ASH1L: variants seen among roughly 807,000 people sequenced by gnomAD.
ASH1L encodes ASH1 like histone lysine methyltransferase, also known as histone-lysine N-methyltransferase ASH1L.
A neutral mutation model predicts 269.0 loss-of-function variants in ASH1L; 23 were observed. The observed-to-expected ratio is 0.09, with a 90% CI of 0.06 to 0.12. The LOEUF (loss-of-function observed/expected upper bound fraction) is 0.12, where lower values mean the gene tolerates loss of function less well. Ranked by LOEUF, ASH1L falls within the 10% of genes least tolerant of loss-of-function variation. The pLI is 1.00. For missense variants in ASH1L, 2,912 were observed against 3,567.8 expected, an observed-to-expected ratio of 0.82 and a Z score of 4.68; for synonymous variants, 1,187 against 1,253.5, an observed-to-expected ratio of 0.95 and a Z score of 1.12.
intron 1 of ASH1L, among the ~76,000 whole-genome samples, chr1:155,550,957 G>A (rs1671155227): frequency 6.6e-6 from 1 of 151,984 alleles, no homozygotes; most frequent in South Asian, 2.1e-4. Flanking sequence ...AAGTAGCTGG[G>A]ACTACAGGTA....
At chr1:155,421,291 A>T (rs1660653800) in intron 5 of ASH1L, among the ~76,000 whole-genome samples, 1 of 142,340 alleles carries the variant, frequency 7.0e-6, no homozygotes, top group Admixed American at 7.2e-5. Flanking sequence ...TGATCTATAG[A>T]TCTAACACAA....
intron 3 of ASH1L, among the ~76,000 whole-genome samples, chr1:155,460,215 T>C (rs535294373): frequency 6.6e-6 from 1 of 152,364 alleles, no homozygotes; most frequent in East Asian, 1.9e-4. Flanking sequence ...ATTTAAAATA[T>C]TGATACAAAT....
intron 2 of ASH1L, among the ~76,000 whole-genome samples, chr1:155,518,807 G>A (rs1668669062): frequency 6.7e-6 from 1 of 150,064 alleles, no homozygotes; most frequent in African/African-American, 2.5e-5. Flanking sequence ...GGGGAGACGG[G>A]GAGAGGAAGG....
intron 26 of ASH1L, among the ~76,000 whole-genome samples, chr1:155,338,691 C>T (rs1245603081): frequency 6.6e-6 from 1 of 152,188 alleles, no homozygotes; most frequent in Non-Finnish European, 1.5e-5. Flanking sequence ...ATGACTGCTT[C>T]ATGACTAGAG....
chr1:155,547,892 C>A (rs1403139209), intron 1 of ASH1L, among the ~76,000 whole-genome samples: 1 of 152,134 alleles, frequency 6.6e-6, no homozygotes, highest in East Asian at 1.9e-4. Flanking sequence ...AGGAGAATGG[C>A]GTGAACCCGG....
chr1:155,484,596 T>C (rs929078707), intron 2 of ASH1L, among the ~76,000 whole-genome samples: 1 of 152,108 alleles, frequency 6.6e-6, no homozygotes, highest in Non-Finnish European at 1.5e-5. Flanking sequence ...ATTGAGAATC[T>C]ACATCCTAAA....
intron 7 of ASH1L, among the ~76,000 whole-genome samples, chr1:155,388,988 C>A (rs1421729548): frequency 3.3e-5 from 5 of 149,356 alleles, no homozygotes; most frequent in African/African-American, 1.2e-4. Context: ...GGATTACAGG[C>A]ATGAGCCACC....
intron 6 of ASH1L, chr1:155,395,957 A>G (rs998109914): frequency 6.5e-6 from 1 of 154,784 alleles, no homozygotes; most frequent in Admixed American, 6.5e-5. Context: ...TTATATCAAT[A>G]CTGTGAAGTA....
Position 155,362,281 on chromosome 1 carries a change from G to A in ASH1L, c.6687-1872C>T, listed in dbSNP as rs577091642. On this transcript the variant is annotated intron_variant, in intron 12 of 27. Coordinates refer to ENST00000392403, the MANE Select transcript of ASH1L (RefSeq NM_018489.3). ...AATCTCCTGAGCTCGTGATCCGCCC[G>A]CCTTGGCCTCCCAAAGTGCTGAGAT... 3.9e-4 allele frequency among the ~76,000 whole-genome samples: 59 copies of A among 151,730 alleles called. 1 individual carries two copies. Among genetic ancestry groups the A allele is most frequent in the African/African-American group, 1.3e-3 (53 of 41,396 alleles).
intron 26 of ASH1L, among the ~76,000 whole-genome samples, chr1:155,338,695 A>T (rs1192360174): frequency 6.6e-6 from 1 of 152,226 alleles, no homozygotes; most frequent in Non-Finnish European, 1.5e-5. Flanking sequence ...CTGCTTCATG[A>T]CTAGAGAAGC....
chr1:155,403,263 T>C (rs935825999), intron 6 of ASH1L, among the ~76,000 whole-genome samples: 1 of 151,712 alleles, frequency 6.6e-6, no homozygotes, highest in African/African-American at 2.4e-5. Context: ...AGGATCATTG[T>C]GGAAGGATCC....
At position 155,395,487 on chromosome 1, in the gene ASH1L, A is replaced by G. The variant is rs1228623512; in HGVS notation, c.6075T>C (p.Tyr2025=). ...KLEYTPGEHE[Y]GLFPAPIHVG... The stretch of plus-strand genomic sequence containing the variant: ...CATGAATGGGCGCTGGAAATAATCC[A>G]TATTCATGCTCTCCTGGAGTATACT... The change falls in exon 7 of 28, where the codon TAT becomes TAC. Residue 2025 remains tyrosine (Y), a synonymous_variant. Coordinates refer to ENST00000392403, the MANE Select transcript of ASH1L (RefSeq NM_018489.3). 6 of 1,611,206 alleles carry G rather than the reference A, an allele frequency of 3.7e-6. No homozygotes were observed. Among genetic ancestry groups the G allele is most frequent in the Non-Finnish European group, 5.1e-6 (6 of 1,178,892 alleles).
At position 155,337,510 on chromosome 1, in the gene ASH1L, A is replaced by T; in HGVS notation, c.*150T>A. On this transcript the variant is annotated 3_prime_UTR_variant, in exon 28 of 28. Coordinates refer to ENST00000392403, the MANE Select transcript of ASH1L (RefSeq NM_018489.3). ...TTCCTCTCCCTCTCCACTAGCTCCA[A>T]GGCTTATTAAGTACCTAATGTCAAC... 1.5e-6 allele frequency: 1 copy of T among 665,392 alleles called. No individual in the cohort carries two copies. Among genetic ancestry groups the T allele is most frequent in the East Asian group, 2.6e-5 (1 of 38,738 alleles). 41.2% of individuals were successfully genotyped at this position (665,392 alleles called of 1,614,324 possible).
intron 5 of ASH1L, among the ~76,000 whole-genome samples, chr1:155,428,283 A>G (rs1023674167): frequency 4.6e-5 from 7 of 152,068 alleles, no homozygotes; most frequent in African/African-American, 1.7e-4. Flanking sequence ...TACTAAAAGT[A>G]CAAAAAAATT....
At chr1:155,394,245 G>C (rs895357966) in intron 7 of ASH1L, among the ~76,000 whole-genome samples, 1 of 152,160 alleles carries the variant, frequency 6.6e-6, no homozygotes, top group African/African-American at 2.4e-5. Flanking sequence ...AAAACTGAAA[G>C]AAGGCCAGTA....
At chr1:155,563,182 G>A (rs1435003097), upstream of ASH1L, 1 of 456,806 alleles carries the variant, frequency 2.2e-6, no homozygotes, top group Non-Finnish European at 4.4e-6. Flanking sequence ...CTGCCCACCG[G>A]TGGTTGGAGG....
Position 155,337,715 on chromosome 1 carries a change from C to T in ASH1L, c.8840G>A (p.Gly2947Asp). 1 of 1,614,030 alleles carries T rather than the reference C, an allele frequency of 6.2e-7. No homozygotes were observed. The highest frequency in any genetic ancestry group is 1.3e-5 in the African/African-American group (1 of 75,048). ...CAAAGTACGCCTTCGCAGTTTCCTG[C>T]CTGATCCTTCCTCCAGCAAGTAGGT... The part of the protein sequence containing the change: ...DVTYLLEEGS[G>D]RKLRRRTLFI... Residue 2947 changes from glycine (G) to aspartate (D), a missense_variant, in exon 28 of 28, where the codon GGC (glycine) becomes GAC (aspartate). Coordinates refer to ENST00000392403, the MANE Select transcript of ASH1L (RefSeq NM_018489.3).
rs542938407 is a variant in ASH1L at position 155,530,543 on chromosome 1, T to C, written c.-99-8925A>G. Among the ~76,000 whole-genome samples the C allele has an allele frequency of 3.2e-4, 47 of 148,276 alleles. 1 individual carries two copies. Among genetic ancestry groups the C allele is most frequent in the African/African-American group, 1.1e-3 (43 of 40,594 alleles). On this transcript the variant is annotated intron_variant, in intron 1 of 27. Transcript: ENST00000392403. The stretch of plus-strand genomic sequence containing the variant: ...GAGTTTGAGACCAGCCTGGCCAACA[T>C]GGTGAAACCCCGTCTCTACTAAAAA...
rs1662357892 is a variant in ASH1L at position 155,439,340 on chromosome 1, T to C, written c.5087-272A>G. ...AGAAAAAAATTTAATTCTTCAAAAA[T>C]GAAGGTCAAAAATAAAAAATAAATA... On this transcript the variant is annotated intron_variant, in intron 4 of 27. Coordinates refer to ENST00000392403, the MANE Select transcript of ASH1L (RefSeq NM_018489.3). Among the ~76,000 whole-genome samples, 5 of 151,934 alleles carry C rather than the reference T, an allele frequency of 3.3e-5. No individual in the cohort carries two copies. In the South Asian group the frequency reaches 1.0e-3, roughly 31 times the overall value.
Sources: allele counts gnomAD v4.1 joint callset (sites outside exome capture counted in the v4.1 genomes callset), GRCh38; gene constraint gnomAD v4.1.1; transcripts MANE v1.5; gene names NCBI Gene and HGNC (gene_info 2026-07-23, HGNC 2026-07-21).